Variants in THBS4 observed in about 807,000 individuals in gnomAD.
The protein encoded by THBS4 is thrombospondin 4.
A neutral mutation model predicts 115.7 loss-of-function variants in THBS4; 90 were observed. That is an observed-to-expected ratio of 0.78 (90% CI 0.66 to 0.93). The LOEUF (loss-of-function observed/expected upper bound fraction) is 0.93, where lower values mean the gene tolerates loss of function less well. Ranked by LOEUF, THBS4 falls within the 40% of genes least tolerant of loss-of-function variation. The probability of loss-of-function intolerance (pLI) is 0.00; values close to 1 mark genes in which losing one functional copy is unlikely to be tolerated. For synonymous variants in THBS4, 460 were observed against 479.3 expected (o/e 0.96, Z 0.53); for missense variants, 1,087 against 1,232.7 (o/e 0.88, Z 1.77).
At chr5:80,021,300 G>A (rs1021518842) in intron 2 of THBS4, among the ~76,000 whole-genome samples, 4 of 152,104 alleles carry the variant, frequency 2.6e-5, no homozygotes, top group African/African-American at 9.7e-5. Flanking sequence ...AAGCAGACTT[G>A]AGAATCCAAC....
chr5:80,050,047 A>C (rs1396376285), intron 2 of THBS4, among the ~76,000 whole-genome samples: 1 of 152,192 alleles, frequency 6.6e-6, no homozygotes, highest in African/African-American at 2.4e-5. Flanking sequence ...CTAACCCTGC[A>C]CAATAACCAG....
chr5:80,007,572 C>T (rs1286093881), intron 2 of THBS4, among the ~76,000 whole-genome samples: 1 of 152,238 alleles, frequency 6.6e-6, no homozygotes, highest in Admixed American at 6.5e-5. Flanking sequence ...GGCTACTACT[C>T]AGATCCTGTT....
chr5:80,001,795 C>G (rs565731216), intron 2 of THBS4, among the ~76,000 whole-genome samples: 2 of 152,230 alleles, frequency 1.3e-5, no homozygotes, highest in Non-Finnish European at 2.9e-5. Context: ...CCTATTTACC[C>G]ACACAAAGGA....
chr5:80,001,613 C>T (rs1403473157), intron 2 of THBS4, among the ~76,000 whole-genome samples: 1 of 152,174 alleles, frequency 6.6e-6, no homozygotes, highest in Non-Finnish European at 1.5e-5. Flanking sequence ...TGAAGCACTC[C>T]TGGAGGAGGT....
intron 2 of THBS4, among the ~76,000 whole-genome samples, chr5:80,002,153 A>G (rs1316890885): frequency 6.6e-6 from 1 of 152,132 alleles, no homozygotes; most frequent in African/African-American, 2.4e-5. Flanking sequence ...GAAATGACAA[A>G]CTGACCAGCA....
chr5:80,035,705 C>A lies in THBS4; in HGVS notation c.88+80C>A. On this transcript the variant is annotated intron_variant, in intron 1 of 21. Transcript: ENST00000350881. This position sits in a 1 kb window ranked among gnomAD's most constrained non-coding sequence, Gnocchi z 4.6. Reference sequence around the variant, plus strand: ...TGAGTGAGTGGAGGGACTTGCTCGGCCCTGTGCTCCTGTGGCCTTGCTCAG... The same window carrying A: ...TGAGTGAGTGGAGGGACTTGCTCGGACCTGTGCTCCTGTGGCCTTGCTCAG... 9.7e-7 allele frequency: 1 copy of A among 1,032,850 alleles called. No individual in the cohort carries two copies. The highest frequency in any genetic ancestry group is 1.3e-6 in the Non-Finnish European group (1 of 794,566). The allele number at this position is 1,032,850 out of a possible 1,614,324, so 64.0% of individuals were successfully genotyped here. A position where few individuals can be genotyped will look rare whatever the true frequency, so the allele number is the denominator to read the frequency against.
intron 2 of THBS4, among the ~76,000 whole-genome samples, chr5:80,050,397 G>GT (rs1424592258): frequency 2.6e-5 from 4 of 152,136 alleles, no homozygotes; most frequent in Non-Finnish European, 5.9e-5. Flanking sequence ...ATCATAGTGG[G>GT]TCAAAGTTAG....
At chr5:80,032,600 G>A (rs1211451470), upstream of THBS4, among the ~76,000 whole-genome samples, 1 of 152,238 alleles carries the variant, frequency 6.6e-6, no homozygotes, top group Non-Finnish European at 1.5e-5. Context: ...AGGCCCAACA[G>A]CCCCTGGCAA....
intron 2 of THBS4, among the ~76,000 whole-genome samples, chr5:80,028,022 T>C (rs565082740): frequency 4.2e-4 from 64 of 151,938 alleles, no homozygotes; most frequent in African/African-American, 1.5e-3. Flanking sequence ...GCTCTATATA[T>C]ACTTTCTGCT....
rs537124094 is a variant in THBS4, at chr5:80,045,399, G to T, written c.292+5119G>T. Among the ~76,000 whole-genome samples, 27 of 152,216 alleles carry T rather than the reference G, an allele frequency of 1.8e-4. No individual in the cohort carries two copies. In the South Asian group the frequency reaches 5.0e-3, roughly 28 times the overall value. On this transcript the variant is annotated intron_variant, in intron 2 of 21. Coordinates refer to ENST00000350881, the MANE Select transcript of THBS4 (RefSeq NM_003248.6). ...ACATGTCAAATAGTTCAGAGTAGTG[G>T]TTCTGTAGCTTGCAAGCTAAAGAGA...
chr5:80,013,131 T>TTTTTG (rs1041335299), intron 2 of THBS4, among the ~76,000 whole-genome samples: 2 of 152,048 alleles, frequency 1.3e-5, no homozygotes, highest in South Asian at 2.1e-4. Context: ...TGTTTTTTGT[T>TTTTTG]TTTTGTTTTG....
At chr5:80,020,927 T>A (rs1033835064) in intron 2 of THBS4, among the ~76,000 whole-genome samples, 2 of 152,192 alleles carry the variant, frequency 1.3e-5, no homozygotes, top group African/African-American at 4.8e-5. Flanking sequence ...AAATAAATTT[T>A]AAAAAATTGT....
Position 80,055,979 on chromosome 5 carries a change from C to A in THBS4, c.487C>A (p.Pro163Thr). 6.2e-7 allele frequency: 1 copy of A among 1,613,776 alleles called. No homozygotes were observed. The highest frequency in any genetic ancestry group is 8.5e-7 in the Non-Finnish European group (1 of 1,179,732). The change falls in exon 3 of 22, where the codon CCC (proline) becomes ACC (threonine). Residue 163 changes from proline to threonine, a missense_variant. Around this residue, in one of 3 missense-constraint regions of THBS4, gnomAD observed 979 missense variants for 1,103.7 expected, o/e 0.89. Transcript: ENST00000350881. ...VHNLPRAFAG[P>T]SQKPETIELR... The stretch of plus-strand genomic sequence containing the variant: ...CAATCTCCCCAGGGCCTTTGCTGGC[C>A]CCTCCCAGAAACCTGAGACCATTGA...
At chr5:80,076,741 A>G in intron 15 of THBS4, 114 bp from the exon 16 acceptor site, 1 of 1,140,614 alleles carries the variant, frequency 8.8e-7, no homozygotes, top group South Asian at 2.5e-5. Flanking sequence ...GTTTGATTTT[A>G]AGAGCCAACC....
At chr5:80,042,668 G>A (rs1056632824) in intron 2 of THBS4, among the ~76,000 whole-genome samples, 4 of 152,150 alleles carry the variant, frequency 2.6e-5, no homozygotes, top group Non-Finnish European at 4.4e-5. Context: ...AGTAATATGA[G>A]TCAGCTGTAA....
chr5:80,011,740 C>T (rs368666978), intron 2 of THBS4, among the ~76,000 whole-genome samples: 2 of 152,148 alleles, frequency 1.3e-5, no homozygotes, highest in African/African-American at 2.4e-5. Flanking sequence ...TGAGGACACA[C>T]GTCCAACCTG....
At chr5:80,050,696 AGAG>A (rs1486556079) in intron 2 of THBS4, among the ~76,000 whole-genome samples, 1 of 152,240 alleles carries the variant, frequency 6.6e-6, no homozygotes, top group African/African-American at 2.4e-5. Flanking sequence ...CCAGGCAAGA[AGAG>A]GGTCTTCGGG....
intron 2 of THBS4, among the ~76,000 whole-genome samples, chr5:80,014,249 T>C (rs1222779004): frequency 6.6e-6 from 1 of 152,142 alleles, no homozygotes; most frequent in African/African-American, 2.4e-5. Context: ...AATCTCACAG[T>C]GTCCAAAGCA....
chr5:80,052,725 C>T (rs1448916373), intron 2 of THBS4: 2 of 152,218 alleles, frequency 1.3e-5, no homozygotes, highest in African/African-American at 4.8e-5. Flanking sequence ...AGTCAGATTT[C>T]AGAAGGGTGG....
Sources: gnomAD v4.1 joint callset for allele counts (sites outside exome capture counted in the v4.1 genomes callset) on GRCh38, gnomAD v4.1.1 for gene constraint, gnomAD v4.1.1 regional missense constraint, Gnocchi (gnomAD v3.1) non-coding constraint, MANE v1.5 for transcripts, NCBI Gene and HGNC (gene_info 2026-07-23, HGNC 2026-07-21) for gene names.